The following SPACA6 variants were observed in gnomAD, a reference collection of about 807,000 sequenced individuals.
SPACA6 encodes the protein sperm acrosome associated 6, also known as sperm acrosome membrane-associated protein 6.
For synonymous variants in SPACA6, 6 were observed against 1.5 expected (o/e 4.05, Z -2.21); for missense variants, 8 against 2.8 (o/e 2.88, Z -1.34).
At chr19:51,693,193 C>A, upstream of SPACA6, 2 of 551,364 alleles carry the variant, frequency 3.6e-6, no homozygotes, top group Non-Finnish European at 3.6e-6. Flanking sequence ...CAGAATGTCT[C>A]TGTGCCTATC....
Position 51,697,115 on chromosome 19 carries a change from A to C in SPACA6, c.292+2560A>C, listed in dbSNP as rs188152984. 3.3e-5 allele frequency among the ~76,000 whole-genome samples: 5 copies of C among 152,296 alleles called. No homozygotes were observed. The East Asian group carries it at 9.7e-4, about 29-fold the overall frequency. On this transcript the variant is annotated intron_variant, in intron 2 of 8. Coordinates refer to ENST00000637797, the MANE Select transcript of SPACA6 (RefSeq NM_001316972.2). ...GGACGTTTCTGTCAAGATCCCAGGG[A>C]ATGCTGATGCTGCTGCTCCGGGAAC...
In SPACA6 at chr19:51,705,128, G is replaced by A. The variant is rs2122230295; in HGVS notation, c.*5G>A. 1 of 401,224 alleles carries A rather than the reference G, an allele frequency of 2.5e-6. No individual in the cohort carries two copies. Among genetic ancestry groups the A allele is most frequent in the African/African-American group, 2.1e-5 (1 of 48,776 alleles). 24.9% of individuals were successfully genotyped at this position (401,224 alleles called of 1,614,324 possible). A position where few individuals can be genotyped will look rare whatever the true frequency, so the allele number is the denominator to read the frequency against. On this transcript the variant is annotated 3_prime_UTR_variant, in exon 9 of 9. Transcript: ENST00000637797. ...TGGTACTGCAGTGGCAACTAACAAA[G>A]GTATCTTTCCTCCTTCCCTATCCTA...
At chr19:51,701,879 T>G in intron 3 of SPACA6, 153 bp downstream of exon 3, 1 of 372,380 alleles carries the variant, frequency 2.7e-6, no homozygotes, top group Non-Finnish European at 4.8e-6. Context: ...TCAAAAGCAG[T>G]CTGACCAACA....
At position 51,703,941 on chromosome 19, in the gene SPACA6, A is replaced by G; in HGVS notation, c.574-89A>G. ...GCTCAAGGCTCAGGGCCAGGACTCCAGGGGGCGTGGTCTGGCTCGGGGGGC... is the reference window on the plus strand; with the variant it reads ...GCTCAAGGCTCAGGGCCAGGACTCCGGGGGGCGTGGTCTGGCTCGGGGGGC... On this transcript the variant is annotated intron_variant, in intron 6 of 8. Transcript: ENST00000637797. This position sits in a 1 kb window ranked among gnomAD's most constrained non-coding sequence, Gnocchi z 4.2. 2.6e-6 allele frequency: 1 copy of G among 388,070 alleles called. No homozygotes were observed. The allele number at this position is 388,070 out of a possible 1,614,324, so 24.0% of individuals were successfully genotyped here. A position where few individuals can be genotyped will look rare whatever the true frequency, so the allele number is the denominator to read the frequency against.
chr19:51,694,433 C>A, intron 1 of SPACA6, 45 bp from the exon 2 acceptor site: 1 of 398,820 alleles, frequency 2.5e-6, no homozygotes, highest in Non-Finnish European at 4.4e-6. Flanking sequence ...CATGGTGTTG[C>A]GGGGAGCTGC....
At chr19:51,692,019 G>A (rs552781199), upstream of SPACA6, among the ~76,000 whole-genome samples, 14 of 152,280 alleles carry the variant, frequency 9.2e-5, no homozygotes, top group South Asian at 8.3e-4. This position sits in a 1 kb window ranked among gnomAD's most constrained non-coding sequence, Gnocchi z 5.6. Flanking sequence ...CTGGTGCTCA[G>A]GGCCTGGTAT....
chr19:51,705,339 C>G (rs958824218), downstream of SPACA6: 1 of 374,186 alleles, frequency 2.7e-6, no homozygotes, highest in African/African-American at 2.1e-5. Context: ...CAGATACCCC[C>G]TCAGGTTACT....
At chr19:51,702,102 C>G (rs939494082) in intron 3 of SPACA6, among the ~76,000 whole-genome samples, 1 of 152,068 alleles carries the variant, frequency 6.6e-6, no homozygotes, top group African/African-American at 2.4e-5. Flanking sequence ...ATCCACTCCC[C>G]GTACAATCCC....
rs368360674 is a variant in SPACA6 at position 51,702,478 on chromosome 19, A to T, written c.362-151A>T. 1.0e-5 allele frequency: 4 copies of T among 392,304 alleles called. No individual in the cohort carries two copies. In the East Asian group the frequency reaches 1.1e-4, roughly 11 times the overall value. 24.3% of individuals were successfully genotyped at this position (392,304 alleles called of 1,614,324 possible). On this transcript the variant is annotated intron_variant, in intron 3 of 8. Transcript: ENST00000637797. Reference sequence around the variant, plus strand: ...TTGGCCCCGGCCCCAGGTGGAACCCAGCCGGCTTGACCCCGCCCCCAGGTT... The same window carrying T: ...TTGGCCCCGGCCCCAGGTGGAACCCTGCCGGCTTGACCCCGCCCCCAGGTT...
At chr19:51,685,847 A>G (rs947816855), upstream of SPACA6, 17 of 152,244 alleles carry the variant, frequency 1.1e-4, no homozygotes, top group African/African-American at 4.1e-4. Flanking sequence ...GCAATCTATC[A>G]CATGAGATCA....
chr19:51,693,859 C>T, intron 1 of SPACA6, 119 bp downstream of exon 1: 1 of 399,902 alleles, frequency 2.5e-6, no homozygotes, highest in Non-Finnish European at 4.4e-6. Context: ...GAGAAAGGCT[C>T]AAAGACCATG....
chr19:51,692,868 C>T (rs1277543689), upstream of SPACA6: 2 of 534,324 alleles, frequency 3.7e-6, no homozygotes, highest in Admixed American at 1.9e-5. This position sits in a 1 kb window ranked among gnomAD's most constrained non-coding sequence, Gnocchi z 5.6. Context: ...CCCCAGGCTG[C>T]GCCCTGCACG....
intron 2 of SPACA6, among the ~76,000 whole-genome samples, chr19:51,700,573 AG>A (rs762839510): frequency 1.4e-4 from 21 of 152,334 alleles, no homozygotes; most frequent in Admixed American, 3.3e-4. Context: ...TTTGGGTCAT[AG>A]GCCACCAGCT....
upstream of SPACA6, chr19:51,692,953 G>A: frequency 2.1e-6 from 1 of 477,824 alleles, no homozygotes; most frequent in Non-Finnish European, 4.3e-6. The surrounding 1 kb of genome is among the most constrained non-coding windows in gnomAD (Gnocchi z 5.6). Flanking sequence ...GGGACCCTGG[G>A]AGGAAGAGCC....
At chr19:51,706,492 T>TC (rs1299010482), downstream of SPACA6, among the ~76,000 whole-genome samples, 18 of 152,046 alleles carry the variant, frequency 1.2e-4, no homozygotes. Context: ...CAGTCCCATT[T>TC]CCAGGCCTTT....
chr19:51,690,974 C>A (rs769652638), upstream of SPACA6, among the ~76,000 whole-genome samples: 1 of 151,712 alleles, frequency 6.6e-6, no homozygotes, highest in African/African-American at 2.4e-5. Flanking sequence ...ACTCTCGCCC[C>A]CGCCTGAGGG....
At chr19:51,706,359 C>A (rs1487785022), downstream of SPACA6, among the ~76,000 whole-genome samples, 1 of 152,132 alleles carries the variant, frequency 6.6e-6, no homozygotes, top group Non-Finnish European at 1.5e-5. Context: ...CCCCGCTAAT[C>A]CCCTTGACAA....
rs1182400436 is a variant in SPACA6 at position 51,704,405 on chromosome 19, C to T, written c.866C>T (p.Ala289Val). The change falls in exon 8 of 9, where the codon GCT becomes GTT. Residue 289 changes from alanine to valine, a missense_variant. Transcript: ENST00000637797. Reference protein sequence around the residue: ...SLGELLARPEALTPSNLFLLA... With the variant: ...SLGELLARPEVLTPSNLFLLA... ...GGCGAGCTGCTGGCCAGGCCCGAGG[C>T]TCTGACGCCCAGCAATCTGTTCCTG... 5.0e-6 allele frequency: 2 copies of T among 401,106 alleles called. No individual in the cohort carries two copies. The highest frequency in any genetic ancestry group is 8.8e-6 in the Non-Finnish European group (2 of 226,282). The allele number at this position is 401,106 out of a possible 1,614,324, so 24.8% of individuals were successfully genotyped here.
the SPACA6 span, among the ~76,000 whole-genome samples, chr19:51,682,976 G>A: frequency 2.0e-5 from 3 of 152,202 alleles, no homozygotes; most frequent in Non-Finnish European, 2.9e-5. Context: ...CCAGGAGGTG[G>A]AGACTGCAGT....
Sources: gnomAD v4.1 joint callset for allele counts (sites outside exome capture counted in the v4.1 genomes callset) on GRCh38, gnomAD v4.1.1 for gene constraint, Gnocchi (gnomAD v3.1) non-coding constraint, MANE v1.5 for transcripts, NCBI Gene and HGNC (gene_info 2026-07-23, HGNC 2026-07-21) for gene names.